NOC2L: variants seen among roughly 807,000 people sequenced by gnomAD.
NOC2L encodes nucleolar complex protein 2 homolog.
NOC2L carries 101 observed loss-of-function variants against 94.2 expected under a neutral mutation model. The observed-to-expected ratio is 1.07, with a 90% CI of 0.91 to 1.26. NOC2L has a LOEUF of 1.26. Among genes scored for constraint, NOC2L ranks in the 50% most tolerant of loss-of-function variants. The pLI is 0.00. For synonymous variants in NOC2L, 531 were observed against 413.4 expected (o/e 1.28, Z -3.45); for missense variants, 1,076 against 980.1 (o/e 1.10, Z -1.31).
chr1:945,964 T>A (rs1642096406), intron 16 of NOC2L, among the ~76,000 whole-genome samples: 1 of 152,164 alleles, frequency 6.6e-6, no homozygotes, highest in Non-Finnish European at 1.5e-5. Flanking sequence ...CTCCCCAACC[T>A]AGTGCAGCCT....
chr1:948,100 G>A (rs370062741), intron 14 of NOC2L, 31 bp downstream of exon 14: 35 of 1,526,430 alleles, frequency 2.3e-5, no homozygotes, highest in East Asian at 7.2e-5. Flanking sequence ...AGTCTGAGTC[G>A]GCCACGAGCC....
At chr1:951,001 C>T (rs1339182115) in intron 12 of NOC2L, 126 bp downstream of exon 12, 5 of 734,160 alleles carry the variant, frequency 6.8e-6, no homozygotes, top group African/African-American at 1.7e-5. Flanking sequence ...CCTCGTGACA[C>T]CCGTGACAAG....
At position 945,561 on chromosome 1, in the gene NOC2L, C is replaced by T. The variant is rs1403290096; in HGVS notation, c.2010G>A (p.Leu670=). Residue 670 remains leucine, a synonymous_variant, in exon 17 of 19, where the codon CTG becomes CTA. Transcript: ENST00000327044. ...DRKQFKDLFD[L]NSSEEDDTEG... is the part of the protein sequence containing the mutation. The stretch of plus-strand genomic sequence containing the variant: ...CGGTGTCGTCCTCTTCAGAGCTGTT[C>T]AGGTCAAAGAGGTCTTTAAATTGCT... 2 of 1,614,078 alleles carry T rather than the reference C, an allele frequency of 1.2e-6. No homozygotes were observed. Among genetic ancestry groups the T allele is most frequent in the Non-Finnish European group, 8.5e-7 (1 of 1,179,940 alleles).
Position 945,542 on chromosome 1 carries a change from C to A in NOC2L, c.2029G>T (p.Asp677Tyr), listed in dbSNP as rs187444884. 2.5e-6 allele frequency: 4 copies of A among 1,613,920 alleles called. No homozygotes were observed. The highest frequency in any genetic ancestry group is 4.5e-5 in the East Asian group (2 of 44,884). The part of the protein sequence containing the change: ...LFDLNSSEED[D>Y]TEGFSERGIL... ...CCTCTCTCCGAGAATCCCTCGGTGT[C>A]GTCCTCTTCAGAGCTGTTCAGGTCA... is the stretch of plus-strand genomic sequence containing the variant. Residue 677 changes from aspartate to tyrosine, a missense_variant, in exon 17 of 19, where the codon GAC becomes TAC. Coordinates refer to ENST00000327044, the MANE Select transcript of NOC2L (RefSeq NM_015658.4).
At chr1:950,671 A>G (rs895872117) in intron 12 of NOC2L, among the ~76,000 whole-genome samples, 7 of 5,860 alleles carry the variant, frequency 1.2e-3, no homozygotes, top group Admixed American at 1.8e-3. Context: ...ACACACACAC[A>G]GATTTACAGA....
rs140377420 is a variant in NOC2L, at chr1:953,995, G to A, written c.777+9C>T. 181 of 1,605,402 alleles carry A rather than the reference G, an allele frequency of 1.1e-4. 1 individual carries two copies. In the African/African-American group the frequency reaches 1.5e-3, roughly 14 times the overall value. On this transcript the variant is annotated intron_variant, in intron 7 of 18. Coordinates refer to ENST00000327044, the MANE Select transcript of NOC2L (RefSeq NM_015658.4). ...CCAGGCCCCCGTGCCCTCCCCACCA[G>A]AATAGCACCTGTATGGCCGAGCCCA...
intron 2 of NOC2L, 121 bp from the exon 3 acceptor site, chr1:957,394 G>A (rs1298789682): frequency 2.0e-5 from 20 of 1,002,572 alleles, no homozygotes; most frequent in Non-Finnish European, 2.8e-5. Flanking sequence ...GGATTGCCAG[G>A]AGGTACGTTT....
chr1:959,119 C>G (rs777570880), intron 1 of NOC2L, 38 bp from the exon 2 acceptor site: 7 of 1,610,248 alleles, frequency 4.3e-6, no homozygotes, highest in Non-Finnish European at 4.2e-6. Flanking sequence ...CCCGCACGCC[C>G]AGCTCGCCCC....
chr1:953,985 C>T lies in NOC2L; in HGVS notation c.777+19G>A. ...CCAGATACAGCCAGGCCCCCGTGCCCTCCCCACCAGAATAGCACCTGTATG... is the reference window on the plus strand; with the variant it reads ...CCAGATACAGCCAGGCCCCCGTGCCTTCCCCACCAGAATAGCACCTGTATG... On this transcript the variant is annotated intron_variant, in intron 7 of 18. Coordinates refer to ENST00000327044, the MANE Select transcript of NOC2L (RefSeq NM_015658.4). 1 of 1,603,726 alleles carries T rather than the reference C, an allele frequency of 6.2e-7. No individual in the cohort carries two copies. Among genetic ancestry groups the T allele is most frequent in the Non-Finnish European group, 8.5e-7 (1 of 1,173,664 alleles).
chr1:957,513 C>T (rs1484880595), intron 2 of NOC2L: 13 of 527,068 alleles, frequency 2.5e-5, no homozygotes, highest in South Asian at 1.9e-4. Context: ...CTGCGCCCTG[C>T]GCTACACAGG....
At chr1:957,599 T>C (rs1267904280) in intron 2 of NOC2L, 4 of 321,478 alleles carry the variant, frequency 1.2e-5, no homozygotes, top group African/African-American at 8.3e-5. Flanking sequence ...GCTTCACCCT[T>C]CCAGAGGCTC....
Position 956,170 on chromosome 1 carries a change from G to C in NOC2L, c.532C>G (p.Arg178Gly), listed in dbSNP as rs370709441. The stretch of plus-strand genomic sequence containing the variant: ...CCTCGGGTGGTGGCCACAGCTGCTC[G>C]GAACGCCTGTACCACTTCATGGAAC... Reference protein sequence around the residue: ...KLFHEVVQAFRAAVATTRGDQ... With the variant: ...KLFHEVVQAFGAAVATTRGDQ... Residue 178 changes from arginine (R) to glycine (G), a missense_variant, in exon 5 of 19, where the codon CGA (arginine) becomes GGA (glycine). Physicochemically the swap from Arg to Gly is moderately radical, Grantham distance 125 (BLOSUM62 -2). Coordinates refer to ENST00000327044, the MANE Select transcript of NOC2L (RefSeq NM_015658.4). 1.9e-6 allele frequency: 3 copies of C among 1,613,762 alleles called. No individual in the cohort carries two copies. The highest frequency in any genetic ancestry group is 2.5e-6 in the Non-Finnish European group (3 of 1,180,012).
At position 956,661 on chromosome 1, in the gene NOC2L, CCAAG is replaced by C. The variant is rs543827999; in HGVS notation, c.486+229_486+232del. The stretch of plus-strand genomic sequence containing the variant: ...AAGTGAACACACAGTCCTGGGGCAA[CCAAG>C]CAAGCAGGAGGAGCAACGTGTTGTC... On this transcript the variant is annotated intron_variant, in intron 4 of 18. Coordinates refer to ENST00000327044, the MANE Select transcript of NOC2L (RefSeq NM_015658.4). Among the ~76,000 whole-genome samples the C allele has an allele frequency of 8.3e-4, 127 of 152,292 alleles. 1 individual carries two copies. The highest frequency in any genetic ancestry group is 2.9e-3 in the African/African-American group (120 of 41,568).
chr1:958,824 C>T (rs2100401559), intron 2 of NOC2L, 105 bp downstream of exon 2: 1 of 1,171,946 alleles, frequency 8.5e-7, no homozygotes, highest in Non-Finnish European at 1.3e-6. Context: ...GGGCAGAGGT[C>T]GGCGATCCTT....
chr1:952,131 G>A lies in NOC2L; in HGVS notation c.1200C>T (p.Tyr400=). The change falls in exon 11 of 19, where the codon TAC becomes TAT. Residue 400 remains tyrosine, a synonymous_variant. Transcript: ENST00000327044. ...CATACTGCCAGTTGTACACAGACTGGTATGTTTCCTGGTCAGAGAGAACCA... is the reference window on the plus strand; with the variant it reads ...CATACTGCCAGTTGTACACAGACTGATATGTTTCCTGGTCAGAGAGAACCA... ...NAMTTRKKET[Y]QSVYNWQYVH... is the part of the protein sequence containing the mutation. 3 of 1,613,582 alleles carry A rather than the reference G, an allele frequency of 1.9e-6. No individual in the cohort carries two copies. Among genetic ancestry groups the A allele is most frequent in the South Asian group, 1.1e-5 (1 of 91,090 alleles).
In NOC2L at chr1:952,718, C is replaced by G. The variant is rs561498148; in HGVS notation, c.1003-118G>C. 47 of 1,014,050 alleles carry G rather than the reference C, an allele frequency of 4.6e-5. No homozygotes were observed. In the South Asian group the frequency reaches 6.6e-4, roughly 14 times the overall value. 62.8% of individuals were successfully genotyped at this position (1,014,050 alleles called of 1,614,324 possible). On this transcript the variant is annotated intron_variant, in intron 9 of 18. Coordinates refer to ENST00000327044, the MANE Select transcript of NOC2L (RefSeq NM_015658.4). ...CTCAGAGCTGGGCCTCGAGGAAGAG[C>G]CGTAGCCCCTTGCACAGCCCCCACC...
chr1:954,049 C>T lies in NOC2L; in HGVS notation c.732G>A (p.Gly244=). 6.2e-7 allele frequency: 1 copy of T among 1,609,380 alleles called. No homozygotes were observed. Among genetic ancestry groups the T allele is most frequent in the Non-Finnish European group, 8.5e-7 (1 of 1,176,942 alleles). ...AAGCCTTGATGTCCACACGAAGCTTCCCCCAGAGCGGGCTGCTGGACGGCT... is the reference window on the plus strand; with the variant it reads ...AAGCCTTGATGTCCACACGAAGCTTTCCCCAGAGCGGGCTGCTGGACGGCT... The part of the protein sequence containing the change: ...MLQPSSSPLW[G]KLRVDIKAYL... Residue 244 remains glycine (G), a synonymous_variant, in exon 7 of 19, where the codon GGG becomes GGA. Transcript: ENST00000327044.
chr1:958,432 T>G (rs1278739637), intron 2 of NOC2L: 1 of 329,170 alleles, frequency 3.0e-6, no homozygotes, highest in Non-Finnish European at 6.0e-6. Context: ...ATATTTTTAG[T>G]AGAGACATGA....
chr1:950,159 C>G (rs1477591773), intron 12 of NOC2L, among the ~76,000 whole-genome samples: 1 of 147,374 alleles, frequency 6.8e-6, no homozygotes, highest in Admixed American at 6.7e-5. Context: ...CACGCACAGG[C>G]ACACACAAGC....
Sources: gnomAD v4.1 joint callset for allele counts (sites outside exome capture counted in the v4.1 genomes callset) on GRCh38, gnomAD v4.1.1 for gene constraint, MANE v1.5 for transcripts, NCBI Gene and HGNC (gene_info 2026-07-23, HGNC 2026-07-21) for gene names.